The following WLS variants were observed in gnomAD, a reference collection of about 807,000 sequenced individuals.
WLS encodes the protein Wnt ligand secretion mediator, also known as protein wntless homolog.
In WLS, 23 loss-of-function variants were observed where a neutral mutation model predicts 62.8. The observed-to-expected ratio is 0.37, with a 90% CI of 0.26 to 0.52. The LOEUF (loss-of-function observed/expected upper bound fraction) is 0.52, where lower values mean the gene tolerates loss of function less well. WLS is among the 20% of genes least tolerant of loss of function. The pLI is 0.92. For missense variants in WLS, 615 were observed against 697.3 expected, an observed-to-expected ratio of 0.88 and a Z score of 1.33; for synonymous variants, 246 against 244.1, an observed-to-expected ratio of 1.01 and a Z score of -0.07.
At chr1:68,156,786 C>T (rs1023111532) in intron 3 of WLS, among the ~76,000 whole-genome samples, 3 of 152,130 alleles carry the variant, frequency 2.0e-5, no homozygotes, top group Non-Finnish European at 4.4e-5. Context: ...CCACTCCTTT[C>T]TCTCTTATAC....
intron 10 of WLS, 95 bp from the exon 11 acceptor site, chr1:68,138,028 C>G (rs553801543): frequency 6.8e-7 from 1 of 1,460,998 alleles, no homozygotes; most frequent in East Asian, 2.3e-5. Context: ...AAAACCAAGT[C>G]TCTTCTACAT....
intron 1 of WLS, among the ~76,000 whole-genome samples, chr1:68,213,125 G>A (rs1649581563): frequency 6.6e-6 from 1 of 152,124 alleles, no homozygotes; most frequent in Non-Finnish European, 1.5e-5. Flanking sequence ...TATTTGCCAA[G>A]GGAAAGCATT....
intron 2 of WLS, among the ~76,000 whole-genome samples, chr1:68,186,123 C>T (rs1647923325): frequency 6.6e-6 from 1 of 152,104 alleles, no homozygotes; most frequent in Non-Finnish European, 1.5e-5. Flanking sequence ...TATAAAGTAC[C>T]TTATAATGCC....
intron 1 of WLS, among the ~76,000 whole-genome samples, chr1:68,216,026 A>C (rs777349465): frequency 6.6e-6 from 1 of 152,220 alleles, no homozygotes; most frequent in African/African-American, 2.4e-5. Context: ...ACAACTGTTC[A>C]TGGGAATGGC....
intron 11 of WLS, among the ~76,000 whole-genome samples, chr1:68,104,885 A>C (rs1646124271): frequency 6.6e-6 from 1 of 152,230 alleles, no homozygotes; most frequent in East Asian, 1.9e-4. Context: ...GTGCCTCTGC[A>C]CTACAACCTG....
Position 68,131,501 on chromosome 1 carries a change from T to C in WLS, c.1517-5166A>G, listed in dbSNP as rs571187029. Among the ~76,000 whole-genome samples, 38 of 152,086 alleles carry C rather than the reference T, an allele frequency of 2.5e-4. 1 individual carries two copies. The highest frequency in any genetic ancestry group is 1.4e-3 in the Admixed American group (21 of 15,274). ...ACAGGGTTAAGAGCCCTGGGTCCAG[T>C]TGTCTCTCGGTGCCTGTCAACCCCA... is the stretch of plus-strand genomic sequence containing the variant. On this transcript the variant is annotated intron_variant, in intron 11 of 11. Transcript: ENST00000262348.
chr1:68,223,966 C>G (rs955449533), intron 1 of WLS, among the ~76,000 whole-genome samples: 2 of 152,200 alleles, frequency 1.3e-5, no homozygotes, highest in Admixed American at 1.3e-4. Context: ...ACTGAGTCAA[C>G]CATTTACAGA....
intron 11 of WLS, among the ~76,000 whole-genome samples, chr1:68,105,902 A>T (rs563623801): frequency 1.3e-4 from 20 of 152,328 alleles, no homozygotes; most frequent in Admixed American, 1.3e-4. Flanking sequence ...CCGGGCTCCA[A>T]AAAGAAAAGG....
downstream of WLS, among the ~76,000 whole-genome samples, chr1:68,120,960 C>T (rs1646357473): frequency 6.6e-6 from 1 of 152,134 alleles, no homozygotes; most frequent in East Asian, 1.9e-4. Flanking sequence ...ATATACATAA[C>T]AGGGATATAT....
downstream of WLS, among the ~76,000 whole-genome samples, chr1:68,124,412 A>G (rs1646399690): frequency 6.6e-6 from 1 of 152,102 alleles, no homozygotes; most frequent in South Asian, 2.1e-4. Context: ...CCTTATCCAA[A>G]CATTGTCCAT....
chr1:68,104,169 C>T (rs547031058), intron 11 of WLS, among the ~76,000 whole-genome samples: 1 of 148,230 alleles, frequency 6.7e-6, no homozygotes, highest in South Asian at 2.1e-4. Flanking sequence ...TTCTGTCTCT[C>T]GGGGCCCTGC....
In WLS at chr1:68,180,644, G is replaced by T. The variant is rs1350772624; in HGVS notation, c.379+13311C>A. Among the ~76,000 whole-genome samples the T allele has an allele frequency of 2.6e-5, 4 of 152,218 alleles. No homozygotes were observed. The East Asian group carries it at 5.8e-4, about 22-fold the overall frequency. ...ATTTTCACCACCTGTTTCTTTGTTGGATTACCAATAAATAGCATGGGCTCC... is the reference window on the plus strand; with the variant it reads ...ATTTTCACCACCTGTTTCTTTGTTGTATTACCAATAAATAGCATGGGCTCC... On this transcript the variant is annotated intron_variant, in intron 2 of 11. Coordinates refer to ENST00000262348, the MANE Select transcript of WLS (RefSeq NM_024911.7).
At chr1:68,119,026 C>A (rs1128622) in intron 11 of WLS, among the ~76,000 whole-genome samples, 49,390 of 151,738 alleles carry the variant, frequency 0.33, 8,308 homozygotes, top group East Asian at 0.4. Flanking sequence ...AGATTTATAT[C>A]CAAGGATGCT....
intron 6 of WLS, among the ~76,000 whole-genome samples, chr1:68,149,489 A>G (rs1227318470): frequency 6.6e-6 from 1 of 152,190 alleles, no homozygotes; most frequent in East Asian, 1.9e-4. Flanking sequence ...TCTGGTTTTC[A>G]TGATTGAGCC....
At chr1:68,106,197 G>A (rs753979489) in intron 11 of WLS, among the ~76,000 whole-genome samples, 40 of 152,218 alleles carry the variant, frequency 2.6e-4, no homozygotes, top group African/African-American at 8.7e-4. Context: ...ACTCTGGAGT[G>A]GTTTATTAAA....
At chr1:68,116,366 T>G (rs1646291808) in intron 11 of WLS, among the ~76,000 whole-genome samples, 1 of 152,126 alleles carries the variant, frequency 6.6e-6, no homozygotes, top group African/African-American at 2.4e-5. Flanking sequence ...AGCCAGAAGA[T>G]CAGTGTTTTT....
At chr1:68,121,825 C>G (rs1438875266), downstream of WLS, among the ~76,000 whole-genome samples, 2 of 152,200 alleles carry the variant, frequency 1.3e-5, no homozygotes, top group Non-Finnish European at 2.9e-5. Flanking sequence ...CTCTCACCGA[C>G]TCTTCCTGAT....
chr1:68,100,658 T>A (rs1038072407), intron 11 of WLS: 3 of 152,070 alleles, frequency 2.0e-5, no homozygotes, highest in Admixed American at 2.0e-4. Flanking sequence ...TACTTGAGAG[T>A]CTCCAAGCCT....
At chr1:68,135,875 CG>C (rs1557467093) in intron 11 of WLS, among the ~76,000 whole-genome samples, 1 of 152,102 alleles carries the variant, frequency 6.6e-6, no homozygotes, top group Non-Finnish European at 1.5e-5. Flanking sequence ...GTAAAAACAC[CG>C]AGTGGTGTTT....
Sources: gnomAD v4.1 joint callset for allele counts (sites outside exome capture counted in the v4.1 genomes callset) on GRCh38, gnomAD v4.1.1 for gene constraint, MANE v1.5 for transcripts, NCBI Gene and HGNC (gene_info 2026-07-23, HGNC 2026-07-21) for gene names.